MALT1: variants seen among roughly 807,000 people sequenced by gnomAD.
The protein encoded by MALT1 is MALT1 paracaspase.
In MALT1, 36 loss-of-function variants were observed where a neutral mutation model predicts 85.5. The ratio of observed to expected loss-of-function variants is 0.42; its 90% CI spans 0.32 to 0.56. The LOEUF is 0.56. Ranked by LOEUF, MALT1 falls within the 20% of genes least tolerant of loss-of-function variation. The pLI is 0.10. For synonymous variants in MALT1, 359 were observed against 361.3 expected, an observed-to-expected ratio of 0.99 and a Z score of 0.07; for missense variants, 716 against 981.6, an observed-to-expected ratio of 0.73 and a Z score of 3.62.
intron 2 of MALT1, chr18:58,691,100 C>G (rs9962064): frequency 0.089 from 19,956 of 225,416 alleles, 1,674 homozygotes; most frequent in African/African-American, 0.26. Flanking sequence ...TGCCAAGGAT[C>G]CTCTGCCCCC....
At chr18:58,721,570 A>T (rs1050345606) in intron 9 of MALT1, among the ~76,000 whole-genome samples, 1 of 152,220 alleles carries the variant, frequency 6.6e-6, no homozygotes, top group Non-Finnish European at 1.5e-5. Flanking sequence ...AGATGACATG[A>T]TATAAAATTA....
intron 7 of MALT1, among the ~76,000 whole-genome samples, chr18:58,712,770 A>G (rs932554787): frequency 3.9e-5 from 6 of 152,184 alleles, no homozygotes; most frequent in African/African-American, 1.4e-4. Context: ...GCATGTGTCA[A>G]AATATCATAT....
intron 2 of MALT1, chr18:58,691,434 T>C: frequency 2.6e-6 from 1 of 385,368 alleles, no homozygotes; most frequent in Non-Finnish European, 4.8e-6. Context: ...GCAGAGTACA[T>C]GCACAGACGG....
intron 4 of MALT1, among the ~76,000 whole-genome samples, chr18:58,709,022 A>G (rs1388193906): frequency 6.6e-6 from 1 of 152,248 alleles, no homozygotes. Context: ...CAAGATGTTA[A>G]TAAGTTGTTT....
chr18:58,711,405 T>G (rs1440408037), intron 7 of MALT1, among the ~76,000 whole-genome samples: 1 of 152,210 alleles, frequency 6.6e-6, no homozygotes, highest in Non-Finnish European at 1.5e-5. Context: ...GGAGATTTAT[T>G]GTTTAACATA....
chr18:58,729,420 C>T (rs1474704348), intron 10 of MALT1, among the ~76,000 whole-genome samples: 2 of 146,004 alleles, frequency 1.4e-5, no homozygotes, highest in South Asian at 2.1e-4. Flanking sequence ...ACCCGGGAGG[C>T]GGAGGTTGCA....
At chr18:58,725,264 G>A (rs1381602957) in intron 10 of MALT1, among the ~76,000 whole-genome samples, 1 of 152,224 alleles carries the variant, frequency 6.6e-6, no homozygotes, top group African/African-American at 2.4e-5. Context: ...AGAGGTTGCA[G>A]TGAACCAAGA....
chr18:58,729,217 G>A (rs1568148869), intron 10 of MALT1, among the ~76,000 whole-genome samples: 1 of 152,068 alleles, frequency 6.6e-6, no homozygotes. Flanking sequence ...GGCCGGGCAC[G>A]GTGGCTCAAC....
intron 4 of MALT1, among the ~76,000 whole-genome samples, chr18:58,702,622 C>A (rs992342636): frequency 1.7e-4 from 26 of 152,172 alleles, no homozygotes; most frequent in African/African-American, 6.3e-4. Context: ...AAAAAACTCT[C>A]ATATAGTAGT....
At chr18:58,715,415 A>C (rs1328834921) in intron 8 of MALT1, among the ~76,000 whole-genome samples, 1 of 151,916 alleles carries the variant, frequency 6.6e-6, no homozygotes, top group Non-Finnish European at 1.5e-5. Flanking sequence ...AGTAGTACAA[A>C]GTTATCTCCC....
intron 2 of MALT1, among the ~76,000 whole-genome samples, chr18:58,694,194 G>C (rs2054554295): frequency 6.6e-6 from 1 of 152,132 alleles, no homozygotes; most frequent in African/African-American, 2.4e-5. Context: ...AATTCTGAGA[G>C]GCTCTACTAT....
intron 9 of MALT1, among the ~76,000 whole-genome samples, chr18:58,718,775 T>C (rs2144410844): frequency 6.6e-6 from 1 of 152,246 alleles, no homozygotes; most frequent in East Asian, 1.9e-4. Flanking sequence ...GTAAAGAATC[T>C]AGAAATTGTT....
At chr18:58,727,528 C>T (rs1013633102) in intron 10 of MALT1, among the ~76,000 whole-genome samples, 2 of 151,594 alleles carry the variant, frequency 1.3e-5, no homozygotes, top group Non-Finnish European at 2.9e-5. Context: ...TGGTCTCGCT[C>T]TATCTCCTGA....
At chr18:58,737,942 T>C (rs145268064) in intron 13 of MALT1, among the ~76,000 whole-genome samples, 133 of 152,370 alleles carry the variant, frequency 8.7e-4, no homozygotes, top group African/African-American at 2.6e-3. Flanking sequence ...TTGGTTGTTA[T>C]AATGCTACAG....
intron 16 of MALT1, among the ~76,000 whole-genome samples, chr18:58,746,811 T>TCCACCTC: frequency 6.6e-6 from 1 of 152,148 alleles, no homozygotes; most frequent in Non-Finnish European, 1.5e-5. Context: ...CACTGCAACC[T>TCCACCTC]CCACCTCCCA....
In MALT1 at chr18:58,681,081, T is replaced by G. The variant is rs2054316103; in HGVS notation, c.210-89T>G. 3.4e-6 allele frequency: 4 copies of G among 1,169,594 alleles called. No homozygotes were observed. The African/African-American group carries it at 6.2e-5, about 18-fold the overall frequency. The allele number at this position is 1,169,594 out of a possible 1,614,324, so 72.5% of individuals were successfully genotyped here. ...CACCCACCCACTCACTTGTGATTTA[T>G]TCCATACAGCACCACCGTGGTCCAG... is the stretch of plus-strand genomic sequence containing the variant. On this transcript the variant is annotated intron_variant, in intron 1 of 16. Transcript: ENST00000649217.
intron 10 of MALT1, 28 bp from the exon 11 acceptor site, chr18:58,733,369 A>G (rs376716524): frequency 1.4e-6 from 2 of 1,468,030 alleles, no homozygotes; most frequent in African/African-American, 1.4e-5. Flanking sequence ...ATTGACATCT[A>G]TCTCTCTCTT....
chr18:58,745,043 G>A (rs1370034486), intron 15 of MALT1, among the ~76,000 whole-genome samples: 2 of 152,174 alleles, frequency 1.3e-5, no homozygotes, highest in Non-Finnish European at 2.9e-5. Flanking sequence ...TACTGATAGA[G>A]GCTTTGTGGA....
rs1287620177 is a variant in MALT1 at position 58,754,209 on chromosome 18, C to T, written c.*6367C>T. Reference sequence around the variant, plus strand: ...CCCAGACCAGAGCCGGGTGTTTTGTCCACAGTACTGCTGCTGCTTATACCG... The same window carrying T: ...CCCAGACCAGAGCCGGGTGTTTTGTTCACAGTACTGCTGCTGCTTATACCG... On this transcript the variant is annotated 3_prime_UTR_variant, in exon 17 of 17. Coordinates refer to ENST00000649217, the MANE Select transcript of MALT1 (RefSeq NM_006785.4). 6.6e-6 allele frequency: 1 copy of T among 152,146 alleles called. No homozygotes were observed. Among genetic ancestry groups the T allele is most frequent in the Non-Finnish European group, 1.5e-5 (1 of 68,028 alleles). 9.4% of individuals were successfully genotyped at this position (152,146 alleles called of 1,614,324 possible).
Sources: gnomAD v4.1 joint callset for allele counts (sites outside exome capture counted in the v4.1 genomes callset) on GRCh38, gnomAD v4.1.1 for gene constraint, MANE v1.5 for transcripts, NCBI Gene and HGNC (gene_info 2026-07-23, HGNC 2026-07-21) for gene names.